Variants in FGF8 observed in about 807,000 individuals in gnomAD.
FGF8 encodes fibroblast growth factor 8, also known as androgen-induced growth factor.
Under a neutral mutation model 29.7 loss-of-function variants are expected in FGF8, and 12 were observed. The observed-to-expected ratio is 0.40, with a 90% CI of 0.26 to 0.65. FGF8 has a LOEUF of 0.65. FGF8 is among the 30% of genes least tolerant of loss of function. The pLI is 0.37. For synonymous variants in FGF8, 157 were observed against 144.4 expected (o/e 1.09, Z -0.63); for missense variants, 271 against 345.1 (o/e 0.79, Z 1.70).
rs2135001121 is a variant in FGF8 at position 101,775,346 on chromosome 10, C to T, written c.70-130G>A. The T allele has an allele frequency of 1.4e-6, 1 of 694,668 alleles. No individual in the cohort carries two copies. The highest frequency in any genetic ancestry group is 2.5e-6 in the Non-Finnish European group (1 of 394,822). The allele number at this position is 694,668 out of a possible 1,614,324, so 43.0% of individuals were successfully genotyped here. The stretch of plus-strand genomic sequence containing the variant: ...GCACCCGATCATTGGGCCAAATCGG[C>T]CACAAGCCTCCCCCGAGGGGCGCTG... On this transcript the variant is annotated intron_variant, in intron 2 of 5. Transcript: ENST00000320185. This position sits in a 1 kb window ranked among gnomAD's most constrained non-coding sequence, Gnocchi z 4.6.
rs1441408719 is a variant in FGF8, at chr10:101,775,693, T to A, written c.69+47A>T. 1 of 1,536,490 alleles carries A rather than the reference T, an allele frequency of 6.5e-7. No individual in the cohort carries two copies. Among genetic ancestry groups the A allele is most frequent in the Non-Finnish European group, 8.8e-7 (1 of 1,142,752 alleles). On this transcript the variant is annotated intron_variant, in intron 2 of 5. Transcript: ENST00000320185. This position sits in a 1 kb window ranked among gnomAD's most constrained non-coding sequence, Gnocchi z 4.6. Reference sequence around the variant, plus strand: ...CCCCGACCGGCGCTGCCCACCCGGGTCTCACACCGGCGCGCCCGGCCCCCG... The same window carrying A: ...CCCCGACCGGCGCTGCCCACCCGGGACTCACACCGGCGCGCCCGGCCCCCG...
upstream of FGF8, among the ~76,000 whole-genome samples, chr10:101,776,854 C>CCACACACACACACACACA (rs71016347): frequency 1.6e-5 from 2 of 123,898 alleles, no homozygotes; most frequent in African/African-American, 6.5e-5. Flanking sequence ...GTGCCCCTCA[C>CCACACACACACACACACA]CACACACACA....
chr10:101,770,588 G>A lies in FGF8; in HGVS notation c.476C>T (p.Thr159Met), dbSNP rs150575389. ...SNGKGKDCVFTEIVLENNYTA... is the reference protein window; with the variant it reads ...SNGKGKDCVFMEIVLENNYTA... The stretch of plus-strand genomic sequence containing the variant: ...GTAGTTGTTCTCCAGCACAATCTCC[G>A]TGAAGACGCAGTCCTTGCCTTTGCC... The change falls in exon 6 of 6, where the codon ACG becomes ATG. Residue 159 changes from threonine to methionine, a missense_variant. By Grantham distance (81) the Thr-to-Met change is moderately conservative (BLOSUM62 -1). This residue lies in a region of FGF8 where 41 missense variants were observed against 80.0 expected (regional missense o/e 0.51). Transcript: ENST00000320185. The A allele has an allele frequency of 1.6e-5, 26 of 1,612,028 alleles. No individual in the cohort carries two copies. The highest frequency in any genetic ancestry group is 6.7e-5 in the Admixed American group (4 of 60,014).
At position 101,770,375 on chromosome 10, in the gene FGF8, C is replaced by A. The variant is rs1440146511; in HGVS notation, c.689G>T (p.Arg230Leu). 3.7e-6 allele frequency: 6 copies of A among 1,601,916 alleles called. No homozygotes were observed. Among genetic ancestry groups the A allele is most frequent in the South Asian group, 2.2e-5 (2 of 89,156 alleles). The change falls in exon 6 of 6, where the codon CGC becomes CTC. Residue 230 changes from arginine to leucine, a missense_variant. Transcript: ENST00000320185. Reference protein sequence around the residue: ...FEFLNYPPFTRSLRGSQRTWA... With the variant: ...FEFLNYPPFTLSLRGSQRTWA... Reference sequence around the variant, plus strand: ...AGTCCTCTGGCTGCCGCGCAGGCTGCGCGTGAAGGGCGGGTAGTTGAGGAA... The same window carrying A: ...AGTCCTCTGGCTGCCGCGCAGGCTGAGCGTGAAGGGCGGGTAGTTGAGGAA...
chr10:101,776,557 C>G (rs563063819), upstream of FGF8, among the ~76,000 whole-genome samples: 1 of 152,030 alleles, frequency 6.6e-6, no homozygotes, highest in Non-Finnish European at 1.5e-5. Flanking sequence ...TCTGGGTCTC[C>G]GCCTCCGGGC....
In FGF8 at chr10:101,774,814, G is replaced by C. The variant is rs778210715; in HGVS notation, c.255C>G (p.Leu85=). ...CGTGCTTCCCGCTGGTGCGGCTGTAGAGTTGGTAGGTCCGGATGAGGCGGC... is the reference window on the plus strand; with the variant it reads ...CGTGCTTCCCGCTGGTGCGGCTGTACAGTTGGTAGGTCCGGATGAGGCGGC... ...LSRRLIRTYQ[L]YSRTSGKHVQ... Residue 85 remains leucine (L), a synonymous_variant, in exon 4 of 6, where the codon CTC becomes CTG. Coordinates refer to ENST00000320185, the MANE Select transcript of FGF8 (RefSeq NM_033163.5). 6 of 1,613,332 alleles carry C rather than the reference G, an allele frequency of 3.7e-6. No homozygotes were observed. The highest frequency in any genetic ancestry group is 5.1e-6 in the Non-Finnish European group (6 of 1,180,046).
chr10:101,776,775 G>A (rs1439968271), upstream of FGF8, among the ~76,000 whole-genome samples: 3 of 151,632 alleles, frequency 2.0e-5, no homozygotes, highest in African/African-American at 4.9e-5. Context: ...TCACTCTCCC[G>A]AGGAGGCCCT....
chr10:101,776,935 A>C (rs570784653), upstream of FGF8, among the ~76,000 whole-genome samples: 3 of 151,806 alleles, frequency 2.0e-5, no homozygotes, highest in Non-Finnish European at 2.9e-5. Flanking sequence ...CCTGTGTGGA[A>C]GAGAGAGTCC....
At position 101,775,829 on chromosome 10, in the gene FGF8, G is replaced by A. The variant is rs779323337; in HGVS notation, c.32+40C>T. ...GAGAGGCGCGGGTGAGGCGAGGGGC[G>A]CGGGGGGCGGGTGGCGGGGCAGGGC... On this transcript the variant is annotated intron_variant, in intron 1 of 5. Coordinates refer to ENST00000320185, the MANE Select transcript of FGF8 (RefSeq NM_033163.5). This position sits in a 1 kb window ranked among gnomAD's most constrained non-coding sequence, Gnocchi z 4.6. 3.3e-6 allele frequency: 5 copies of A among 1,522,738 alleles called. No individual in the cohort carries two copies. In the South Asian group the frequency reaches 3.6e-5, roughly 11 times the overall value. 94.3% of individuals were successfully genotyped at this position (1,522,738 alleles called of 1,614,324 possible). A position where few individuals can be genotyped will look rare whatever the true frequency, so the allele number is the denominator to read the frequency against.
At chr10:101,779,771 T>C (rs2065128582), upstream of FGF8, among the ~76,000 whole-genome samples, 1 of 152,012 alleles carries the variant, frequency 6.6e-6, no homozygotes. This position sits in a 1 kb window ranked among gnomAD's most constrained non-coding sequence, Gnocchi z 5.7. Flanking sequence ...CCGCTCCTCC[T>C]GCCAAGCACG....
chr10:101,774,840 G>A lies in FGF8; in HGVS notation c.229C>T (p.Arg77Cys). Residue 77 changes from arginine (R) to cysteine (C), a missense_variant, in exon 4 of 6, where the codon CGC becomes TGC. Physicochemically the swap from Arg to Cys is radical, Grantham distance 180. Transcript: ENST00000320185. Reference protein sequence around the residue: ...EQSLVTDQLSRRLIRTYQLYS... With the variant: ...EQSLVTDQLSCRLIRTYQLYS... ...AGTTGGTAGGTCCGGATGAGGCGGC[G>A]GCTGAGCTGATCCGTCACCAGGCTC... is the stretch of plus-strand genomic sequence containing the variant. 6.2e-7 allele frequency: 1 copy of A among 1,613,886 alleles called. No homozygotes were observed. Among genetic ancestry groups the A allele is most frequent in the Non-Finnish European group, 8.5e-7 (1 of 1,180,042 alleles).
Position 101,774,767 on chromosome 10 carries a change from C to T in FGF8, c.302G>A (p.Arg101His), listed in dbSNP as rs1445221357. Residue 101 changes from arginine (R) to histidine (H), a missense_variant, in exon 4 of 6, where the codon CGC becomes CAC. Arg to His is a conservative substitution (Grantham distance 29). Transcript: ENST00000320185. ...GKHVQVLANK[R>H]INAMAEDGDP... is the part of the protein sequence containing the mutation. ...GCCGTCCTCTGCCATGGCGTTGATG[C>T]GCTTGTTGGCCAGGACCTGCACGTG... is the stretch of plus-strand genomic sequence containing the variant. 4 of 1,609,078 alleles carry T rather than the reference C, an allele frequency of 2.5e-6. No homozygotes were observed. The highest frequency in any genetic ancestry group is 2.7e-5 in the African/African-American group (2 of 74,904).
chr10:101,775,926 G>T lies in FGF8; in HGVS notation c.-26C>A, dbSNP rs1197740185. The T allele has an allele frequency of 8.2e-7, 1 of 1,215,818 alleles. No individual in the cohort carries two copies. The highest frequency in any genetic ancestry group is 1.0e-6 in the Non-Finnish European group (1 of 981,224). The allele number at this position is 1,215,818 out of a possible 1,614,324, so 75.3% of individuals were successfully genotyped here. ...GGCGCGCGGCCCCGGGGCACCGAGA[G>T]CCCGGCGGGTCACGCCGTCCCGCGG... is the stretch of plus-strand genomic sequence containing the variant. On this transcript the variant is annotated 5_prime_UTR_variant, in exon 1 of 6. Transcript: ENST00000320185. This position sits in a 1 kb window ranked among gnomAD's most constrained non-coding sequence, Gnocchi z 4.6.
upstream of FGF8, among the ~76,000 whole-genome samples, chr10:101,776,854 CCACACACACACACACACACACACACACA>C (rs71016347): frequency 8.1e-6 from 1 of 123,898 alleles, no homozygotes; most frequent in Non-Finnish European, 1.7e-5. Context: ...GTGCCCCTCA[CCACACACACACACACACACACACACACA>C]CACACACACA....
chr10:101,778,019 C>G (rs1228502801), upstream of FGF8, among the ~76,000 whole-genome samples: 1 of 152,266 alleles, frequency 6.6e-6, no homozygotes, highest in African/African-American at 2.4e-5. Context: ...CCTTGCCTTC[C>G]CTGTGTTCTG....
Position 101,775,600 on chromosome 10 carries a change from T to C in FGF8, c.69+140A>G. On this transcript the variant is annotated intron_variant, in intron 2 of 5. Coordinates refer to ENST00000320185, the MANE Select transcript of FGF8 (RefSeq NM_033163.5). The surrounding 1 kb of genome is among the most constrained non-coding windows in gnomAD (Gnocchi z 4.6). ...CTGTGCCTCAGCTCCCTCCTCGGGG[T>C]GGCTCGGGGCTGGGTTTCTAAGGTG... 1 of 899,076 alleles carries C rather than the reference T, an allele frequency of 1.1e-6. No individual in the cohort carries two copies. The highest frequency in any genetic ancestry group is 1.7e-6 in the Non-Finnish European group (1 of 595,348). The allele number at this position is 899,076 out of a possible 1,614,324, so 55.7% of individuals were successfully genotyped here.
upstream of FGF8, among the ~76,000 whole-genome samples, chr10:101,776,719 C>T (rs987317268): frequency 1.3e-5 from 2 of 152,134 alleles, no homozygotes; most frequent in African/African-American, 4.8e-5. Context: ...ACCCCGCTCC[C>T]CTGTTTCGGC....
upstream of FGF8, among the ~76,000 whole-genome samples, chr10:101,779,594 G>A (rs1026870414): frequency 2.6e-5 from 4 of 150,996 alleles, no homozygotes; most frequent in South Asian, 2.1e-4. This position sits in a 1 kb window ranked among gnomAD's most constrained non-coding sequence, Gnocchi z 5.7. Context: ...CGTGCTCGGC[G>A]CAGGCCCGCG....
chr10:101,775,666 G>GC lies in FGF8; in HGVS notation c.69+73dup. On this transcript the variant is annotated intron_variant, in intron 2 of 5. Transcript: ENST00000320185. This position sits in a 1 kb window ranked among gnomAD's most constrained non-coding sequence, Gnocchi z 4.6. ...CGCCGGCCGCAGAGTCAGTCCCGGTGCCCCCGACCGGCGCTGCCCACCCGG... is the reference window on the plus strand; with the variant it reads ...CGCCGGCCGCAGAGTCAGTCCCGGTGCCCCCCGACCGGCGCTGCCCACCCGG... 6.7e-7 allele frequency: 1 copy of GC among 1,497,882 alleles called. No homozygotes were observed. The highest frequency in any genetic ancestry group is 9.0e-7 in the Non-Finnish European group (1 of 1,112,228). The allele number at this position is 1,497,882 out of a possible 1,614,324, so 92.8% of individuals were successfully genotyped here. A position where few individuals can be genotyped will look rare whatever the true frequency, so the allele number is the denominator to read the frequency against.
Sources: allele counts gnomAD v4.1 joint callset (sites outside exome capture counted in the v4.1 genomes callset), GRCh38; gene constraint gnomAD v4.1.1; regional missense constraint gnomAD v4.1.1; non-coding constraint Gnocchi (gnomAD v3.1); transcripts MANE v1.5; gene names NCBI Gene and HGNC (gene_info 2026-07-23, HGNC 2026-07-21).